The following MDGA2 variants were observed in gnomAD, a reference collection of about 807,000 sequenced individuals.
MDGA2 encodes the protein MAM domain containing glycosylphosphatidylinositol anchor 2, also known as MAM domain-containing glycosylphosphatidylinositol anchor protein 2.
Under a neutral mutation model 117.8 loss-of-function variants are expected in MDGA2, and 40 were observed. The ratio of observed to expected loss-of-function variants is 0.34; its 90% CI spans 0.26 to 0.44. The LOEUF (loss-of-function observed/expected upper bound fraction) is 0.44, where lower values mean the gene tolerates loss of function less well. Among genes scored for constraint, MDGA2 ranks in the 20% least tolerant of loss-of-function variants. The pLI is 1.00. For synonymous variants in MDGA2, 452 were observed against 439.0 expected, an observed-to-expected ratio of 1.03 and a Z score of -0.37; for missense variants, 1,123 against 1,250.6, an observed-to-expected ratio of 0.90 and a Z score of 1.54.
intron 2 of MDGA2, among the ~76,000 whole-genome samples, chr14:47,226,514 G>A (rs746203551): frequency 2.0e-5 from 3 of 151,852 alleles, no homozygotes; most frequent in East Asian, 1.9e-4. Context: ...ATAAACAATC[G>A]GAGAAAACAG....
chr14:47,076,633 C>T (rs1460512138), intron 6 of MDGA2, among the ~76,000 whole-genome samples: 1 of 151,672 alleles, frequency 6.6e-6, no homozygotes, highest in African/African-American at 2.4e-5. Flanking sequence ...TCTTTAATTA[C>T]TCTGACTCTC....
At chr14:46,973,651 C>G (rs1886349341) in intron 8 of MDGA2, among the ~76,000 whole-genome samples, 1 of 152,072 alleles carries the variant, frequency 6.6e-6, no homozygotes, top group Non-Finnish European at 1.5e-5. Context: ...GCAGCTTTTT[C>G]TAAAAGGCAA....
chr14:46,919,171 C>T (rs182244642), intron 10 of MDGA2, among the ~76,000 whole-genome samples: 44 of 152,218 alleles, frequency 2.9e-4, no homozygotes, highest in African/African-American at 1.0e-3. Context: ...CAGTCTTACT[C>T]GATGAAAATT....
chr14:47,598,758 G>A (rs995582473), intron 1 of MDGA2, among the ~76,000 whole-genome samples: 2 of 152,124 alleles, frequency 1.3e-5, no homozygotes, highest in African/African-American at 4.8e-5. Context: ...AGTGGTGATG[G>A]TTGCACAACA....
chr14:46,872,149 G>A (rs1882029995), intron 14 of MDGA2, among the ~76,000 whole-genome samples: 1 of 151,682 alleles, frequency 6.6e-6, no homozygotes, highest in African/African-American at 2.4e-5. Flanking sequence ...TTTTCTCCAC[G>A]GTAAAAGATG....
intron 3 of MDGA2, among the ~76,000 whole-genome samples, chr14:47,172,946 G>A (rs994925443): frequency 6.6e-6 from 1 of 152,142 alleles, no homozygotes; most frequent in Admixed American, 6.5e-5. Context: ...ATACAGAGAA[G>A]TGCTTAAAGG....
chr14:46,957,505 C>T lies in MDGA2; in HGVS notation c.1958G>A (p.Arg653Gln), dbSNP rs751153032. Residue 653 changes from arginine (R) to glutamine (Q), a missense_variant, in exon 9 of 17, where the codon CGG (arginine) becomes CAG (glutamine). Arg to Gln is a conservative substitution (Grantham distance 43). Coordinates refer to ENST00000399232, the MANE Select transcript of MDGA2 (RefSeq NM_001113498.3). The stretch of plus-strand genomic sequence containing the variant: ...TTCCTGAGAGTCAAATTGACCCGTC[C>T]GTAATAATTTATTGCCCAAGCGCCA... The part of the protein sequence containing the change: ...YEWRLGNKLL[R>Q]TGQFDSQEYT... 31 of 1,613,942 alleles carry T rather than the reference C, an allele frequency of 1.9e-5. No individual in the cohort carries two copies. The highest frequency in any genetic ancestry group is 1.3e-4 in the South Asian group (12 of 91,082).
intron 3 of MDGA2, chr14:47,200,506 T>G: frequency 1.0e-5 from 6 of 592,510 alleles, no homozygotes; most frequent in Non-Finnish European, 1.1e-5. Flanking sequence ...CCTTTTTCTA[T>G]TTTTCTTTTC....
intron 3 of MDGA2, among the ~76,000 whole-genome samples, chr14:47,170,001 G>A (rs1001615775): frequency 6.6e-6 from 1 of 152,046 alleles, no homozygotes; most frequent in Non-Finnish European, 1.5e-5. Flanking sequence ...GAATTACTAA[G>A]TAAATACAAA....
intron 1 of MDGA2, among the ~76,000 whole-genome samples, chr14:47,646,085 A>C (rs1897527919): frequency 6.6e-6 from 1 of 151,122 alleles, no homozygotes; most frequent in Admixed American, 6.6e-5. Context: ...GTCTCAAAAA[A>C]AAAAAAAAAA....
intron 2 of MDGA2, among the ~76,000 whole-genome samples, chr14:47,234,546 C>G (rs1886797382): frequency 6.6e-6 from 1 of 151,988 alleles, no homozygotes; most frequent in Non-Finnish European, 1.5e-5. Flanking sequence ...TAAATATGTT[C>G]AAATATCAAT....
At chr14:47,247,184 C>A (rs1050858795) in intron 2 of MDGA2, among the ~76,000 whole-genome samples, 2 of 151,836 alleles carry the variant, frequency 1.3e-5, no homozygotes, top group African/African-American at 2.4e-5. Flanking sequence ...GTCTGCTGAA[C>A]CTGCATCTTT....
intron 3 of MDGA2, among the ~76,000 whole-genome samples, chr14:47,179,867 G>C (rs1884628596): frequency 6.6e-6 from 1 of 151,680 alleles, no homozygotes; most frequent in East Asian, 1.9e-4. Flanking sequence ...ATCTTTTTTA[G>C]AACTAAATTT....
At chr14:47,030,445 C>A (rs528434581) in intron 8 of MDGA2, among the ~76,000 whole-genome samples, 1 of 151,634 alleles carries the variant, frequency 6.6e-6, no homozygotes, top group Non-Finnish European at 1.5e-5. Flanking sequence ...ACCAGGGAGG[C>A]GGAAGTTGTG....
At chr14:47,228,049 C>G (rs1886567953) in intron 2 of MDGA2, among the ~76,000 whole-genome samples, 1 of 152,098 alleles carries the variant, frequency 6.6e-6, no homozygotes, top group Non-Finnish European at 1.5e-5. Flanking sequence ...CCCAGTCTTT[C>G]CCATCTCGAT....
intron 1 of MDGA2, among the ~76,000 whole-genome samples, chr14:47,540,675 T>A (rs1427013760): frequency 6.6e-6 from 1 of 151,366 alleles, no homozygotes; most frequent in East Asian, 2.0e-4. Context: ...GCAATCCTCC[T>A]GCCTCAGCCT....
chr14:47,459,755 T>G (rs1893444441), intron 1 of MDGA2, among the ~76,000 whole-genome samples: 2 of 152,168 alleles, frequency 1.3e-5, no homozygotes, highest in African/African-American at 2.4e-5. Context: ...CAAACACTAT[T>G]AGTCTTATCA....
At chr14:47,494,017 G>A (rs1341089043) in intron 1 of MDGA2, among the ~76,000 whole-genome samples, 1 of 152,150 alleles carries the variant, frequency 6.6e-6, no homozygotes, top group Non-Finnish European at 1.5e-5. Flanking sequence ...TCTTGTGACA[G>A]TAAGTGAGTT....
At chr14:47,506,049 G>C (rs1360549892) in intron 1 of MDGA2, among the ~76,000 whole-genome samples, 1 of 152,106 alleles carries the variant, frequency 6.6e-6, no homozygotes, top group Non-Finnish European at 1.5e-5. Flanking sequence ...CTAAAATACA[G>C]AGTTACTAGT....
Sources: allele counts gnomAD v4.1 joint callset (sites outside exome capture counted in the v4.1 genomes callset), GRCh38; gene constraint gnomAD v4.1.1; transcripts MANE v1.5; gene names NCBI Gene and HGNC (gene_info 2026-07-23, HGNC 2026-07-21).